BCAS3: variants seen among roughly 807,000 people sequenced by gnomAD.
The protein encoded by BCAS3 is BCAS4/BCAS3 fusion.
In BCAS3, 53 loss-of-function variants were observed where a neutral mutation model predicts 116.1. The ratio of observed to expected loss-of-function variants is 0.46; its 90% CI spans 0.37 to 0.57. BCAS3 has a LOEUF of 0.57. Ranked by LOEUF, BCAS3 falls within the 20% of genes least tolerant of loss-of-function variation. The pLI is 0.00. For synonymous variants in BCAS3, 391 were observed against 408.2 expected (o/e 0.96, Z 0.51); for missense variants, 917 against 1,165.4 (o/e 0.79, Z 3.10).
intron 22 of BCAS3, among the ~76,000 whole-genome samples, chr17:61,107,342 C>T (rs547465993): frequency 1.6e-4 from 24 of 152,222 alleles, no homozygotes; most frequent in Admixed American, 1.4e-3. Context: ...GCCTCGGCCT[C>T]CCAAAGTGCT....
intron 5 of BCAS3, among the ~76,000 whole-genome samples, chr17:60,715,400 G>A (rs1303130312): frequency 2.0e-5 from 3 of 150,880 alleles, no homozygotes; most frequent in Admixed American, 1.3e-4. Flanking sequence ...ACCTCCCAAC[G>A]TGTATACTCT....
intron 22 of BCAS3, among the ~76,000 whole-genome samples, chr17:61,273,332 T>C (rs2050474487): frequency 6.6e-6 from 1 of 151,980 alleles, no homozygotes; most frequent in African/African-American, 2.4e-5. Context: ...CTGACTACCT[T>C]TATTTTAAGG....
In BCAS3 at chr17:61,013,377, T is replaced by C. The variant is rs1304844266; in HGVS notation, c.1487-2374T>C. Among the ~76,000 whole-genome samples, 2 of 152,166 alleles carry C rather than the reference T, an allele frequency of 1.3e-5. No homozygotes were observed. Among genetic ancestry groups the C allele is most frequent in the African/African-American group, 2.4e-5 (1 of 41,470 alleles). Reference sequence around the variant, plus strand: ...CAGCTTGTGACAGAAAGTTGCAGTCTGATTTCAAATTCAAGTTAATATTAG... The same window carrying C: ...CAGCTTGTGACAGAAAGTTGCAGTCCGATTTCAAATTCAAGTTAATATTAG... On this transcript the variant is annotated intron_variant, in intron 15 of 23. Coordinates refer to ENST00000407086, the MANE Select transcript of BCAS3 (RefSeq NM_017679.5). This position sits in a 1 kb window ranked among gnomAD's most constrained non-coding sequence, Gnocchi z 4.4.
chr17:61,069,382 C>A (rs137923041), intron 19 of BCAS3, among the ~76,000 whole-genome samples: 1 of 152,262 alleles, frequency 6.6e-6, no homozygotes, highest in East Asian at 1.9e-4. Flanking sequence ...CAAAGAAGAA[C>A]CTGCGCCACA....
intron 19 of BCAS3, among the ~76,000 whole-genome samples, chr17:61,060,806 A>G (rs549822660): frequency 5.3e-5 from 8 of 152,306 alleles, no homozygotes; most frequent in African/African-American, 1.9e-4. Flanking sequence ...CTTTTTACCC[A>G]TGATTCTTCA....
In BCAS3 at chr17:61,239,803, CA is replaced by C. The variant is rs2083322865; in HGVS notation, c.2426-128521del. ...TGATACCAGTTGGAATAGTAAAGAC[CA>C]AAGGAGAAATTGTGAGTTAATGTTT... On this transcript the variant is annotated intron_variant, in intron 22 of 23. Transcript: ENST00000407086. This position sits in a 1 kb window ranked among gnomAD's most constrained non-coding sequence, Gnocchi z 4.2. Among the ~76,000 whole-genome samples, 1 of 152,068 alleles carries C rather than the reference CA, an allele frequency of 6.6e-6. No individual in the cohort carries two copies. Among genetic ancestry groups the C allele is most frequent in the African/African-American group, 2.4e-5 (1 of 41,402 alleles).
At position 61,023,161 on chromosome 17, in the gene BCAS3, A is replaced by G. The variant is rs2065990990; in HGVS notation, c.1637+7260A>G. 6.6e-6 allele frequency among the ~76,000 whole-genome samples: 1 copy of G among 152,250 alleles called. No individual in the cohort carries two copies. The highest frequency in any genetic ancestry group is 2.1e-4 in the South Asian group (1 of 4,836). ...TAATTTACTGATATGCATGTGGGAA[A>G]TGCAAGTTCACTTCAGTTGTTGTTT... On this transcript the variant is annotated intron_variant, in intron 16 of 23. Transcript: ENST00000407086. This position sits in a 1 kb window ranked among gnomAD's most constrained non-coding sequence, Gnocchi z 4.8.
In BCAS3 at chr17:61,034,353, C is replaced by T. The variant is rs1198117691; in HGVS notation, c.1638-313C>T. 6.6e-6 allele frequency among the ~76,000 whole-genome samples: 1 copy of T among 152,174 alleles called. No homozygotes were observed. Among genetic ancestry groups the T allele is most frequent in the African/African-American group, 2.4e-5 (1 of 41,448 alleles). On this transcript the variant is annotated intron_variant, in intron 16 of 23. Transcript: ENST00000407086. This position sits in a 1 kb window ranked among gnomAD's most constrained non-coding sequence, Gnocchi z 5.0. Reference sequence around the variant, plus strand: ...TGTTCATGCTGGTACTATTGCTTCACTTTGAAATTTCTAGGGAAATGTTAC... The same window carrying T: ...TGTTCATGCTGGTACTATTGCTTCATTTTGAAATTTCTAGGGAAATGTTAC...
chr17:61,009,794 A>G (rs576763482), intron 15 of BCAS3, among the ~76,000 whole-genome samples: 1 of 152,054 alleles, frequency 6.6e-6, no homozygotes, highest in South Asian at 2.1e-4. Context: ...CCACATTCAC[A>G]TGTTCTCACA....
intron 5 of BCAS3, among the ~76,000 whole-genome samples, chr17:60,745,589 TAATAA>T (rs1165336086): frequency 6.6e-6 from 1 of 152,100 alleles, no homozygotes; most frequent in Non-Finnish European, 1.5e-5. Context: ...TGTTCTATAA[TAATAA>T]AATGTGGACT....
chr17:61,094,594 T>C (rs1191028316), intron 22 of BCAS3, among the ~76,000 whole-genome samples: 1 of 152,224 alleles, frequency 6.6e-6, no homozygotes, highest in East Asian at 1.9e-4. Flanking sequence ...ACGCGTATAA[T>C]CCCAGTACTT....
intron 19 of BCAS3, among the ~76,000 whole-genome samples, chr17:61,062,369 T>G (rs923630230): frequency 2.6e-5 from 4 of 152,210 alleles, no homozygotes; most frequent in African/African-American, 9.6e-5. Flanking sequence ...TTGTTACATA[T>G]GAGTCTGGCC....
intron 15 of BCAS3, among the ~76,000 whole-genome samples, chr17:61,009,582 T>C (rs1306245342): frequency 1.3e-5 from 2 of 152,110 alleles, no homozygotes; most frequent in Non-Finnish European, 2.9e-5. Context: ...TATGGTAAGA[T>C]ATGGAAATTT....
intron 5 of BCAS3, chr17:60,727,302 T>G: frequency 8.5e-7 from 1 of 1,172,262 alleles, no homozygotes; most frequent in Non-Finnish European, 1.3e-6. Context: ...TTCTTTGTGG[T>G]CTTAGCCTTC....
At chr17:60,729,995 T>C (rs2040301198) in intron 5 of BCAS3, among the ~76,000 whole-genome samples, 1 of 152,232 alleles carries the variant, frequency 6.6e-6, no homozygotes. Flanking sequence ...CTGAGTAAGA[T>C]CTTTTGACTA....
At chr17:60,946,037 G>C (rs546018595) in intron 13 of BCAS3, among the ~76,000 whole-genome samples, 9 of 152,054 alleles carry the variant, frequency 5.9e-5, no homozygotes, top group African/African-American at 2.2e-4. Flanking sequence ...GAAGAATGGC[G>C]TGAACCTGGG....
intron 22 of BCAS3, among the ~76,000 whole-genome samples, chr17:61,155,171 A>T (rs1441196722): frequency 6.6e-6 from 1 of 152,078 alleles, no homozygotes; most frequent in Non-Finnish European, 1.5e-5. Context: ...ATTTTTTTTT[A>T]AGTTTCTTCC....
chr17:61,015,668 T>C (rs2145532853), intron 15 of BCAS3, 83 bp from the exon 16 acceptor site: 1 of 1,349,318 alleles, frequency 7.4e-7, no homozygotes, highest in Non-Finnish European at 1.1e-6. Flanking sequence ...ATTACTGGAG[T>C]CAGTGAAAAC....
At position 61,098,006 on chromosome 17, in the gene BCAS3, C is replaced by T. The variant is rs1263171404; in HGVS notation, c.2425+13442C>T. On this transcript the variant is annotated intron_variant, in intron 22 of 23. Coordinates refer to ENST00000407086, the MANE Select transcript of BCAS3 (RefSeq NM_017679.5). The surrounding 1 kb of genome is among the most constrained non-coding windows in gnomAD (Gnocchi z 4.2). ...CAGTGTGATGAATTCCCAGCTTGTC[C>T]TTATTGCTTTAGGCAACAACTGACA... 6.6e-6 allele frequency among the ~76,000 whole-genome samples: 1 copy of T among 152,198 alleles called. No homozygotes were observed. The highest frequency in any genetic ancestry group is 2.4e-5 in the African/African-American group (1 of 41,458).
Sources: gnomAD v4.1 joint callset for allele counts (sites outside exome capture counted in the v4.1 genomes callset) on GRCh38, gnomAD v4.1.1 for gene constraint, Gnocchi (gnomAD v3.1) non-coding constraint, MANE v1.5 for transcripts, NCBI Gene and HGNC (gene_info 2026-07-23, HGNC 2026-07-21) for gene names.